The following OSBPL10 variants were observed in gnomAD, a reference collection of about 807,000 sequenced individuals.
OSBPL10 encodes oxysterol binding protein like 10, also known as oxysterol-binding protein-related protein 10.
In OSBPL10, 49 loss-of-function variants were observed where a neutral mutation model predicts 81.7. The ratio of observed to expected loss-of-function variants is 0.60; its 90% CI spans 0.48 to 0.76. OSBPL10 has a LOEUF of 0.76. Among genes scored for constraint, OSBPL10 ranks in the 30% least tolerant of loss-of-function variants. OSBPL10 has a pLI of 0.00. For missense variants in OSBPL10, 923 were observed against 987.8 expected (o/e 0.93, Z 0.88); for synonymous variants, 419 against 383.6 (o/e 1.09, Z -1.08).
chr3:31,748,561 G>C (rs1185839849), intron 4 of OSBPL10, among the ~76,000 whole-genome samples: 1 of 147,964 alleles, frequency 6.8e-6, no homozygotes, highest in Non-Finnish European at 1.5e-5. Context: ...CAGAGTTCAC[G>C]AATTGGAAGG....
chr3:32,052,063 T>C (rs1027753153), intron 1 of OSBPL10, among the ~76,000 whole-genome samples: 4 of 151,758 alleles, frequency 2.6e-5, no homozygotes, highest in African/African-American at 7.3e-5. Context: ...CTGGGAAACA[T>C]GGCAAAACCC....
chr3:31,746,980 TA>T (rs890506497), intron 5 of OSBPL10, among the ~76,000 whole-genome samples: 9 of 151,232 alleles, frequency 6.0e-5, no homozygotes, highest in Admixed American at 2.6e-4. Flanking sequence ...ATAATAATAA[TA>T]AAAAAAAGAA....
At chr3:32,050,306 C>T (rs915986807) in intron 1 of OSBPL10, among the ~76,000 whole-genome samples, 1 of 152,206 alleles carries the variant, frequency 6.6e-6, no homozygotes, top group African/African-American at 2.4e-5. Flanking sequence ...GTAGCTAAGG[C>T]TTTCTTTTCA....
intron 4 of OSBPL10, among the ~76,000 whole-genome samples, chr3:31,759,212 G>A (rs1457905848): frequency 2.0e-5 from 3 of 152,138 alleles, no homozygotes; most frequent in East Asian, 1.9e-4. Context: ...GAAGGATTCC[G>A]AGTAGAAGGC....
intron 2 of OSBPL10, among the ~76,000 whole-genome samples, chr3:32,022,811 C>A (rs186754772): frequency 6.6e-6 from 1 of 152,130 alleles, no homozygotes; most frequent in East Asian, 1.9e-4. Context: ...TTAAAGGACA[C>A]AAAGCTTTGT....
Position 32,064,725 on chromosome 3 carries a change from C to G in OSBPL10, n.185+12671G>C, listed in dbSNP as rs114582222. On this transcript the variant is annotated intron_variant and non_coding_transcript_variant, in intron 1 of 3. Transcript: ENST00000479173. The stretch of plus-strand genomic sequence containing the variant: ...TTATGGCTACTTGATGTCAGTTAGT[C>G]TAGAGCCCAAATAGCAAGTGGCTTC... Among the ~76,000 whole-genome samples, 500 of 93,498 alleles carry G rather than the reference C, an allele frequency of 5.3e-3. 119 individuals are homozygous for G. The highest frequency in any genetic ancestry group is 0.013 in the African/African-American group (465 of 36,428). 61.3% of individuals were successfully genotyped at this position (93,498 alleles called of 152,430 possible).
chr3:31,920,472 G>GCAAAAGGAACAGCACATAAGAATTGTA (rs1460405600), intron 1 of OSBPL10, among the ~76,000 whole-genome samples: 3 of 152,120 alleles, frequency 2.0e-5, no homozygotes, highest in African/African-American at 7.2e-5. Context: ...AAGAGTAAAG[G>GCAAAAGGAACAGCACATAAGAATTGTA]CAAAAGGAAC....
chr3:31,693,060 G>A (rs773677380), intron 7 of OSBPL10, among the ~76,000 whole-genome samples: 8 of 152,152 alleles, frequency 5.3e-5, no homozygotes, highest in African/African-American at 1.2e-4. Flanking sequence ...GCAAACACTC[G>A]GGAGAGATAA....
intron 1 of OSBPL10, among the ~76,000 whole-genome samples, chr3:31,975,629 T>G (rs1159277132): frequency 6.6e-6 from 1 of 152,152 alleles, no homozygotes; most frequent in East Asian, 1.9e-4. Flanking sequence ...AGAGTCATAC[T>G]CCCTGATCCA....
intron 8 of OSBPL10, among the ~76,000 whole-genome samples, chr3:31,680,282 A>G (rs6786397): frequency 0.55 from 83,079 of 151,948 alleles, 24,900 homozygotes; most frequent in African/African-American, 0.81. Flanking sequence ...CCTTGACCTG[A>G]TCCCCCTTCC....
intron 6 of OSBPL10, among the ~76,000 whole-genome samples, chr3:31,730,413 C>T (rs1696938523): frequency 6.6e-6 from 1 of 151,906 alleles, no homozygotes; most frequent in Non-Finnish European, 1.5e-5. Context: ...CTCCAATCAC[C>T]ATCCTTCTTG....
chr3:31,893,537 T>C (rs1238999282), intron 1 of OSBPL10, among the ~76,000 whole-genome samples: 2 of 152,194 alleles, frequency 1.3e-5, no homozygotes, highest in African/African-American at 4.8e-5. Flanking sequence ...AAGAATCTAC[T>C]AAACAGAAAT....
chr3:31,750,010 A>G (rs1046200158), intron 4 of OSBPL10, among the ~76,000 whole-genome samples: 1 of 151,430 alleles, frequency 6.6e-6, no homozygotes. Context: ...GTGAAACCCC[A>G]TCTCTACTAA....
intron 1 of OSBPL10, among the ~76,000 whole-genome samples, chr3:31,938,547 C>T (rs1361197301): frequency 2.6e-5 from 4 of 152,088 alleles, no homozygotes; most frequent in African/African-American, 9.7e-5. Context: ...CCCACTTTGT[C>T]GCCCAGGCTG....
At chr3:31,942,825 T>C in intron 1 of OSBPL10, among the ~76,000 whole-genome samples, 1 of 152,226 alleles carries the variant, frequency 6.6e-6, no homozygotes, top group East Asian at 1.9e-4. Flanking sequence ...AAAAAAATTA[T>C]GTCAAATTTT....
rs374566595 is a variant in OSBPL10 at position 32,059,746 on chromosome 3, C to T, written n.186-13143G>A. On this transcript the variant is annotated intron_variant and non_coding_transcript_variant, in intron 1 of 3. Coordinates refer to the OSBPL10 transcript ENST00000479173. ...CAGCCTGGGCAACACAGTGAGATCC[C>T]ATCTCTATAAAAAAAATTAGCCAGG... Among the ~76,000 whole-genome samples the T allele has an allele frequency of 1.1e-4, 16 of 150,908 alleles. No individual in the cohort carries two copies. In the South Asian group the frequency reaches 3.4e-3, roughly 32 times the overall value.
At position 31,806,407 on chromosome 3, in the gene OSBPL10, C is replaced by A. The variant is rs114667671; in HGVS notation, c.729+23633G>T. ...TGGAAGACTGAAAAGAACTCAAATG[C>A]ATCAACGATAAAAGTCTAGATGGCC... On this transcript the variant is annotated intron_variant, in intron 4 of 11. Coordinates refer to ENST00000396556, the MANE Select transcript of OSBPL10 (RefSeq NM_017784.5). Among the ~76,000 whole-genome samples, 805 of 152,342 alleles carry A rather than the reference C, an allele frequency of 5.3e-3. 9 individuals carry two copies. The highest frequency in any genetic ancestry group is 0.018 in the African/African-American group (748 of 41,584).
At chr3:31,907,081 A>T (rs1172338820) in intron 1 of OSBPL10, 1 of 152,160 alleles carries the variant, frequency 6.6e-6, no homozygotes, top group Admixed American at 6.6e-5. Flanking sequence ...AGATGCAATG[A>T]TGCACAGATA....
intron 1 of OSBPL10, among the ~76,000 whole-genome samples, chr3:31,928,685 C>T (rs1024571555): frequency 6.8e-6 from 1 of 146,192 alleles, no homozygotes; most frequent in African/African-American, 2.6e-5. Flanking sequence ...GAGGCTGAGA[C>T]AGGAGAATCA....
Sources: gnomAD v4.1 joint callset for allele counts (sites outside exome capture counted in the v4.1 genomes callset) on GRCh38, gnomAD v4.1.1 for gene constraint, MANE v1.5 for transcripts, NCBI Gene and HGNC (gene_info 2026-07-23, HGNC 2026-07-21) for gene names.